SORT1: variants seen among roughly 807,000 people sequenced by gnomAD.
SORT1 encodes sortilin 1.
Under a neutral mutation model 101.7 loss-of-function variants are expected in SORT1, and 39 were observed. That is an observed-to-expected ratio of 0.38 (90% confidence interval 0.30 to 0.50). The LOEUF is 0.50. Among genes scored for constraint, SORT1 ranks in the 20% least tolerant of loss-of-function variants. SORT1 has a pLI of 0.90. For synonymous variants in SORT1, 396 were observed against 393.7 expected (o/e 1.01, Z -0.07); for missense variants, 878 against 1,040.4 (o/e 0.84, Z 2.15).
In SORT1 at chr1:109,345,888, C is replaced by T. The variant is rs1649552556; in HGVS notation, c.833-7G>A. 3 of 1,606,336 alleles carry T rather than the reference C, an allele frequency of 1.9e-6. No individual in the cohort carries two copies. Among genetic ancestry groups the T allele is most frequent in the Non-Finnish European group, 1.7e-6 (2 of 1,176,956 alleles). On this transcript the variant is annotated splice_region_variant and splice_polypyrimidine_tract_variant and intron_variant, in intron 7 of 19. Transcript: ENST00000256637. Reference sequence around the variant, plus strand: ...AGAGCCCCAAGGTCAGCTTCTTAAACAAGACAAAATATTAATTAAAATTTC... The same window carrying T: ...AGAGCCCCAAGGTCAGCTTCTTAAATAAGACAAAATATTAATTAAAATTTC...
At chr1:109,328,761 T>C (rs976556432) in intron 11 of SORT1, among the ~76,000 whole-genome samples, 2 of 152,220 alleles carry the variant, frequency 1.3e-5, no homozygotes, top group Admixed American at 6.5e-5. Flanking sequence ...GCACCTGATA[T>C]ACTTCAGACA....
At chr1:109,360,776 G>T (rs1650670385) in intron 3 of SORT1, among the ~76,000 whole-genome samples, 1 of 152,186 alleles carries the variant, frequency 6.6e-6, no homozygotes, top group Non-Finnish European at 1.5e-5. Flanking sequence ...AAGGGGGTAG[G>T]CCCACAAGGA....
intron 5 of SORT1, among the ~76,000 whole-genome samples, chr1:109,351,482 G>C (rs930557937): frequency 2.4e-4 from 36 of 152,342 alleles, no homozygotes; most frequent in African/African-American, 7.9e-4. Context: ...AGGGAGATGA[G>C]GTGTTGCTGC....
chr1:109,311,016 G>A lies in SORT1; in HGVS notation c.*3027C>T, dbSNP rs185811199. On this transcript the variant is annotated 3_prime_UTR_variant, in exon 20 of 20. Coordinates refer to ENST00000256637, the MANE Select transcript of SORT1 (RefSeq NM_002959.7). The stretch of plus-strand genomic sequence containing the variant: ...ATTCAGAGGCAGACGTAGATTCTAC[G>A]TTCCAGTTACGGCTGATCTATGGAC... 6.6e-6 allele frequency: 1 copy of A among 152,340 alleles called. No individual in the cohort carries two copies. Among genetic ancestry groups the A allele is most frequent in the East Asian group, 1.9e-4 (1 of 5,182 alleles). 9.4% of individuals were successfully genotyped at this position (152,340 alleles called of 1,614,324 possible). A position where few individuals can be genotyped will look rare whatever the true frequency, so the allele number is the denominator to read the frequency against.
At chr1:109,343,456 A>C (rs919327157) in intron 8 of SORT1, among the ~76,000 whole-genome samples, 1 of 151,910 alleles carries the variant, frequency 6.6e-6, no homozygotes, top group African/African-American at 2.4e-5. Flanking sequence ...TTCTCTTTCC[A>C]ACCTTTCAGT....
intron 5 of SORT1, among the ~76,000 whole-genome samples, chr1:109,353,832 T>C (rs577287539): frequency 2.9e-4 from 44 of 152,182 alleles, no homozygotes; most frequent in Non-Finnish European, 5.4e-4. Flanking sequence ...TCAGAGAACT[T>C]TGAGAAGTGG....
At chr1:109,345,254 C>T (rs1649501166) in intron 8 of SORT1, among the ~76,000 whole-genome samples, 1 of 152,194 alleles carries the variant, frequency 6.6e-6, no homozygotes, top group African/African-American at 2.4e-5. Flanking sequence ...GTGGCTCACG[C>T]CTATAATCCC....
At position 109,327,606 on chromosome 1, in the gene SORT1, G is replaced by A; in HGVS notation, c.1372-5C>T. 1 of 1,546,092 alleles carries A rather than the reference G, an allele frequency of 6.5e-7. No homozygotes were observed. The highest frequency in any genetic ancestry group is 2.3e-5 in the East Asian group (1 of 42,852). ...AGCATGAATATGAAGGCTGCACTGT[G>A]AAAAGAAACAAAAGCGTAGATTAGA... On this transcript the variant is annotated splice_region_variant and splice_polypyrimidine_tract_variant and intron_variant, in intron 11 of 19. Coordinates refer to ENST00000256637, the MANE Select transcript of SORT1 (RefSeq NM_002959.7).
intron 10 of SORT1, among the ~76,000 whole-genome samples, chr1:109,338,180 T>C (rs141891977): frequency 2.6e-5 from 4 of 152,212 alleles, no homozygotes; most frequent in African/African-American, 9.6e-5. Flanking sequence ...AAGTAATACA[T>C]GAGTACAGAC....
At chr1:109,367,787 C>T (rs1651190081) in intron 2 of SORT1, among the ~76,000 whole-genome samples, 1 of 152,100 alleles carries the variant, frequency 6.6e-6, no homozygotes, top group Non-Finnish European at 1.5e-5. Context: ...AGGCAAGAAC[C>T]CTCTTCCCTT....
intron 16 of SORT1, among the ~76,000 whole-genome samples, chr1:109,317,281 C>T (rs1345487729): frequency 1.3e-5 from 2 of 152,098 alleles, no homozygotes; most frequent in African/African-American, 2.4e-5. Flanking sequence ...ATCAGGGGAG[C>T]GAGGTAATGA....
chr1:109,317,073 T>C lies in SORT1; in HGVS notation c.2142-115A>G, dbSNP rs553135593. The C allele has an allele frequency of 4.7e-5, 33 of 698,180 alleles. No individual in the cohort carries two copies. In the African/African-American group the frequency reaches 4.9e-4, roughly 10 times the overall value. The allele number at this position is 698,180 out of a possible 1,614,324, so 43.2% of individuals were successfully genotyped here. A position where few individuals can be genotyped will look rare whatever the true frequency, so the allele number is the denominator to read the frequency against. ...CGAAAAGCTTCCCATCCTTACGTCA[T>C]GTTTCAGGCCTGGGGGGAATGTCCA... On this transcript the variant is annotated intron_variant, in intron 16 of 19. Coordinates refer to ENST00000256637, the MANE Select transcript of SORT1 (RefSeq NM_002959.7).
intron 17 of SORT1, 24 bp from the exon 18 acceptor site, chr1:109,314,802 C>T (rs1378883851): frequency 6.9e-7 from 1 of 1,440,328 alleles, no homozygotes; most frequent in Non-Finnish European, 9.8e-7. Context: ...AACACAAACA[C>T]AAAAGTTTTA....
intron 1 of SORT1, among the ~76,000 whole-genome samples, chr1:109,396,368 A>C (rs1653177081): frequency 6.6e-6 from 1 of 152,096 alleles, no homozygotes; most frequent in African/African-American, 2.4e-5. Context: ...TCAATCCCCC[A>C]CTGTGAGAAG....
intron 1 of SORT1, among the ~76,000 whole-genome samples, chr1:109,378,914 G>A (rs1172626058): frequency 2.0e-5 from 3 of 150,548 alleles, no homozygotes; most frequent in Admixed American, 6.6e-5. Flanking sequence ...AGGCTGAGGC[G>A]GGTGGATCAC....
chr1:109,344,640 T>TC (rs1293030498), intron 8 of SORT1, among the ~76,000 whole-genome samples: 1 of 152,212 alleles, frequency 6.6e-6, no homozygotes, highest in Non-Finnish European at 1.5e-5. Context: ...CACTTTGTTT[T>TC]CTTACTGTTT....
In SORT1 at chr1:109,317,287, A is replaced by C. The variant is rs183112409; in HGVS notation, c.2142-329T>G. Among the ~76,000 whole-genome samples the C allele has an allele frequency of 3.9e-5, 6 of 152,310 alleles. No homozygotes were observed. The East Asian group carries it at 1.2e-3, about 29-fold the overall frequency. On this transcript the variant is annotated intron_variant, in intron 16 of 19. Transcript: ENST00000256637. The stretch of plus-strand genomic sequence containing the variant: ...GGGGAAGTTATCAGGGGAGCGAGGT[A>C]ATGAGGCCCGTCTAGAGCAGCACTG...
intron 3 of SORT1, among the ~76,000 whole-genome samples, chr1:109,357,177 C>T (rs911712594): frequency 1.3e-5 from 2 of 152,198 alleles, no homozygotes; most frequent in Non-Finnish European, 2.9e-5. Context: ...GGTTTGTTGC[C>T]TAGGAACAAG....
chr1:109,329,624 A>G (rs1488327804), intron 11 of SORT1, among the ~76,000 whole-genome samples: 4 of 152,244 alleles, frequency 2.6e-5, no homozygotes, highest in Admixed American at 6.5e-5. Context: ...AAAGAAAGTT[A>G]CCACACAATG....
Sources: gnomAD v4.1 joint callset for allele counts (sites outside exome capture counted in the v4.1 genomes callset) on GRCh38, gnomAD v4.1.1 for gene constraint, MANE v1.5 for transcripts, NCBI Gene and HGNC (gene_info 2026-07-23, HGNC 2026-07-21) for gene names.